MN1: variants seen among roughly 807,000 people sequenced by gnomAD.
MN1 encodes MN1 proto-oncogene, transcriptional regulator.
MN1 carries 19 observed loss-of-function variants against 86.9 expected under a neutral mutation model. The observed-to-expected ratio is 0.22, with a 90% CI of 0.15 to 0.32. The LOEUF (loss-of-function observed/expected upper bound fraction) is 0.32, where lower values mean the gene tolerates loss of function less well. Among genes scored for constraint, MN1 ranks in the 10% least tolerant of loss-of-function variants. MN1 has a pLI of 1.00. For missense variants in MN1, 1,841 were observed against 1,862.0 expected (o/e 0.99, Z 0.21); for synonymous variants, 928 against 849.6 (o/e 1.09, Z -1.60).
At chr22:27,786,694 C>T (rs1013647418) in intron 1 of MN1, among the ~76,000 whole-genome samples, 12 of 152,142 alleles carry the variant, frequency 7.9e-5, no homozygotes, top group African/African-American at 2.9e-4. Flanking sequence ...GTTTGCTCAA[C>T]GACTGGGCTT....
intron 1 of MN1, among the ~76,000 whole-genome samples, chr22:27,785,481 T>C (rs1402810963): frequency 1.3e-5 from 2 of 152,198 alleles, no homozygotes; most frequent in Non-Finnish European, 2.9e-5. Context: ...TTCCAAAAAG[T>C]TTTTTTAAAG....
At chr22:27,791,860 C>G (rs1933215847) in intron 1 of MN1, 1 of 152,198 alleles carries the variant, frequency 6.6e-6, no homozygotes, top group South Asian at 2.1e-4. Flanking sequence ...ACAAGTGATT[C>G]TGCTACATTT....
At position 27,801,602 on chromosome 22, in the gene MN1, G is replaced by C. The variant is rs1933444318; in HGVS notation, c.-1059C>G. ...CTAAGGCGTTCCCGCTGCGCTCTCA[G>C]AGCCCGGAATGGGGGGAGGGGGGCG... On this transcript the variant is annotated 5_prime_UTR_variant, in exon 1 of 2. Transcript: ENST00000302326. 6.8e-6 allele frequency: 1 copy of C among 146,482 alleles called. No individual in the cohort carries two copies. Among genetic ancestry groups the C allele is most frequent in the African/African-American group, 2.5e-5 (1 of 39,952 alleles). 9.1% of individuals were successfully genotyped at this position (146,482 alleles called of 1,614,324 possible).
chr22:27,771,993 G>T (rs1932921239), intron 1 of MN1, among the ~76,000 whole-genome samples: 1 of 152,178 alleles, frequency 6.6e-6, no homozygotes, highest in Non-Finnish European at 1.5e-5. Context: ...CCCGACACAT[G>T]TCAGGCCACT....
At chr22:27,766,942 C>T (rs1244687103) in intron 1 of MN1, among the ~76,000 whole-genome samples, 1 of 152,186 alleles carries the variant, frequency 6.6e-6, no homozygotes, top group East Asian at 1.9e-4. Context: ...CTTCACCTGA[C>T]TAACTCTTCT....
chr22:27,794,811 G>GTTT (rs1446748440), intron 1 of MN1, among the ~76,000 whole-genome samples: 3 of 63,480 alleles, frequency 4.7e-5, no homozygotes, highest in African/African-American at 7.0e-5. Flanking sequence ...TTAAATCAGG[G>GTTT]TTGTTGTTTT....
chr22:27,772,111 T>C (rs1932922399), intron 1 of MN1, among the ~76,000 whole-genome samples: 1 of 152,212 alleles, frequency 6.6e-6, no homozygotes, highest in Non-Finnish European at 1.5e-5. Flanking sequence ...CGGCCCTCCC[T>C]AGTCCTCCCT....
intron 1 of MN1, among the ~76,000 whole-genome samples, chr22:27,771,880 G>A (rs1475699087): frequency 1.3e-5 from 2 of 152,224 alleles, no homozygotes; most frequent in Non-Finnish European, 2.9e-5. Context: ...CCCACAGCTG[G>A]TGGGAAGTGT....
intron 1 of MN1, among the ~76,000 whole-genome samples, chr22:27,751,301 G>A (rs760752057): frequency 1.3e-5 from 2 of 152,128 alleles, no homozygotes; most frequent in Non-Finnish European, 1.5e-5. Context: ...TCTCAGCCAA[G>A]GGAAGACCTC....
chr22:27,798,420 G>A lies in MN1; in HGVS notation c.2124C>T (p.Gly708=). The change falls in exon 1 of 2, where the codon GGC becomes GGT. Residue 708 remains glycine, a synonymous_variant. Coordinates refer to ENST00000302326, the MANE Select transcript of MN1 (RefSeq NM_002430.3). ...PGLQFGGSLG[G]LGQLQSPGAG... ...CCCCGGGCGACTGCAGCTGACCCAG[G>A]CCTCCCAGACTGCCCCCGAACTGCA... The A allele has an allele frequency of 6.5e-7, 1 of 1,542,028 alleles. No homozygotes were observed. The highest frequency in any genetic ancestry group is 1.8e-4 in the Middle Eastern group (1 of 5,648).
intron 1 of MN1, among the ~76,000 whole-genome samples, chr22:27,762,970 T>C (rs149507135): frequency 6.6e-6 from 1 of 152,166 alleles, no homozygotes; most frequent in East Asian, 1.9e-4. Flanking sequence ...TAGCCAAGCA[T>C]GGTGGTGTGT....
chr22:27,794,498 G>A (rs45470597), intron 1 of MN1, among the ~76,000 whole-genome samples: 1,958 of 152,330 alleles, frequency 0.013, 12 homozygotes, highest in Non-Finnish European at 0.018. Context: ...CTGTCGCCCC[G>A]CATGCAGGGG....
intron 1 of MN1, among the ~76,000 whole-genome samples, chr22:27,783,761 A>T (rs1366051699): frequency 6.6e-6 from 1 of 152,224 alleles, no homozygotes; most frequent in Non-Finnish European, 1.5e-5. Flanking sequence ...ATTGATAGTG[A>T]AAAACCACAA....
In MN1 at chr22:27,796,762, C is replaced by A; in HGVS notation, c.3781+1G>T. Reference sequence around the variant, plus strand: ...TGAGAGGAAAACGAGTGTGCATATACCTTCTTTGCTGTTGGGGTTCTGGGG... The same window carrying A: ...TGAGAGGAAAACGAGTGTGCATATAACTTCTTTGCTGTTGGGGTTCTGGGG... On this transcript the variant is annotated splice_donor_variant, in intron 1 of 1. Transcript: ENST00000302326. LOFTEE classifies it high-confidence loss of function. 6.3e-7 allele frequency: 1 copy of A among 1,592,460 alleles called. No homozygotes were observed. Among genetic ancestry groups the A allele is most frequent in the Admixed American group, 1.7e-5 (1 of 59,584 alleles).
chr22:27,776,569 G>T (rs1391341767), intron 1 of MN1, among the ~76,000 whole-genome samples: 2 of 152,120 alleles, frequency 1.3e-5, no homozygotes, highest in African/African-American at 2.4e-5. Flanking sequence ...AGAATCTGCC[G>T]GTCACCTCGG....
rs1413466514 is a variant in MN1, at chr22:27,799,509, C to T, written c.1035G>A (p.Pro345=). The change falls in exon 1 of 2, where the codon CCG becomes CCA. Residue 345 remains proline (P), a synonymous_variant. Transcript: ENST00000302326. ...GCGGGGGCTGCTGCTGAGGGGGTGG[C>T]GGGGCCTGCTGGGGAGGCTGCATTA... is the stretch of plus-strand genomic sequence containing the variant. The part of the protein sequence containing the change: ...HPLMQPPQQA[P]PPPQQQPPQQ... The T allele has an allele frequency of 1.4e-6, 2 of 1,450,702 alleles. No homozygotes were observed. Among genetic ancestry groups the T allele is most frequent in the South Asian group, 1.5e-5 (1 of 67,956 alleles). 89.9% of individuals were successfully genotyped at this position (1,450,702 alleles called of 1,614,324 possible).
chr22:27,758,425 T>C (rs1477829940), intron 1 of MN1, among the ~76,000 whole-genome samples: 1 of 152,242 alleles, frequency 6.6e-6, no homozygotes, highest in Non-Finnish European at 1.5e-5. Flanking sequence ...TGCTGGCAGA[T>C]GGCACCCCTG....
At chr22:27,781,267 T>A (rs781098289) in intron 1 of MN1, among the ~76,000 whole-genome samples, 1 of 152,200 alleles carries the variant, frequency 6.6e-6, no homozygotes, top group Non-Finnish European at 1.5e-5. Flanking sequence ...AATCACTCAC[T>A]GTAGTTCAGA....
intron 1 of MN1, among the ~76,000 whole-genome samples, chr22:27,780,761 C>T (rs1465441607): frequency 6.6e-6 from 1 of 152,112 alleles, no homozygotes; most frequent in African/African-American, 2.4e-5. Context: ...GTCATTCTGG[C>T]CCCTCCCCTA....
Sources: allele counts gnomAD v4.1 joint callset (sites outside exome capture counted in the v4.1 genomes callset), GRCh38; gene constraint gnomAD v4.1.1; transcripts MANE v1.5; gene names NCBI Gene and HGNC (gene_info 2026-07-23, HGNC 2026-07-21).